Variants in ANKS1B observed in about 807,000 individuals in gnomAD.
ANKS1B encodes the protein ankyrin repeat and sterile alpha motif domain containing 1B.
ANKS1B carries 36 observed loss-of-function variants against 148.3 expected under a neutral mutation model. The ratio of observed to expected loss-of-function variants is 0.24; its 90% CI spans 0.19 to 0.32. The LOEUF (loss-of-function observed/expected upper bound fraction) is 0.32. Among genes scored for constraint, ANKS1B ranks in the 10% least tolerant of loss-of-function variants. The pLI is 1.00. For synonymous variants in ANKS1B, 542 were observed against 560.8 expected, an observed-to-expected ratio of 0.97 and a Z score of 0.47; for missense variants, 1,157 against 1,542.6, an observed-to-expected ratio of 0.75 and a Z score of 4.19.
chr12:99,148,839 G>A (rs1047706087), intron 15 of ANKS1B, among the ~76,000 whole-genome samples: 10 of 152,012 alleles, frequency 6.6e-5, no homozygotes, highest in African/African-American at 2.4e-4. Flanking sequence ...CAGTTGAAAA[G>A]GTTATTTTTT....
intron 17 of ANKS1B, among the ~76,000 whole-genome samples, chr12:98,995,550 C>G (rs974666350): frequency 1.1e-4 from 17 of 152,174 alleles, no homozygotes; most frequent in Non-Finnish European, 1.5e-5. Flanking sequence ...TTCTCAGGCT[C>G]TGGAACTTTT....
chr12:98,877,487 G>T (rs966053547), intron 17 of ANKS1B, among the ~76,000 whole-genome samples: 1 of 152,140 alleles, frequency 6.6e-6, no homozygotes, highest in Non-Finnish European at 1.5e-5. Flanking sequence ...AACTAACGGC[G>T]GAAGAAATCC....
intron 8 of ANKS1B, among the ~76,000 whole-genome samples, chr12:99,673,861 T>C (rs2098549640): frequency 1.3e-5 from 2 of 151,588 alleles, no homozygotes; most frequent in Admixed American, 1.3e-4. Context: ...AGTGAAACAA[T>C]TACATATTTA....
At chr12:99,023,361 C>G (rs1254230608) in intron 17 of ANKS1B, among the ~76,000 whole-genome samples, 1 of 152,012 alleles carries the variant, frequency 6.6e-6, no homozygotes, top group Non-Finnish European at 1.5e-5. Flanking sequence ...CTGACAATGC[C>G]CTTTTTCATT....
intron 1 of ANKS1B, among the ~76,000 whole-genome samples, chr12:99,964,941 A>C (rs959498245): frequency 1.3e-5 from 2 of 152,236 alleles, no homozygotes; most frequent in Admixed American, 6.5e-5. Context: ...TTATCAAATA[A>C]GTATATATAC....
At chr12:98,735,205 G>T (rs902400573) in exon 10 of ANKS1B, 3 of 398,922 alleles carry the variant, frequency 7.5e-6, no homozygotes, top group African/African-American at 6.2e-5. Context: ...TTTGTAGTTT[G>T]CAGATGAGCA....
intron 9 of ANKS1B, among the ~76,000 whole-genome samples, chr12:99,625,225 CAG>C (rs1252159342): frequency 6.6e-6 from 1 of 151,956 alleles, no homozygotes; most frequent in Non-Finnish European, 1.5e-5. Context: ...ATGGGAACAG[CAG>C]ACACTGGGGA....
At chr12:99,150,354 A>G (rs2074491009) in intron 15 of ANKS1B, among the ~76,000 whole-genome samples, 1 of 152,192 alleles carries the variant, frequency 6.6e-6, no homozygotes, top group Non-Finnish European at 1.5e-5. Flanking sequence ...TCCTAATTCT[A>G]GAGAGAGAAT....
chr12:99,881,717 C>A (rs1356367542), intron 1 of ANKS1B, among the ~76,000 whole-genome samples: 1 of 152,170 alleles, frequency 6.6e-6, no homozygotes, highest in Non-Finnish European at 1.5e-5. Context: ...AAAAGAGCAT[C>A]ACAGAGCGTT....
intron 4 of ANKS1B, among the ~76,000 whole-genome samples, chr12:99,793,927 C>T (rs978383281): frequency 6.6e-6 from 1 of 151,866 alleles, no homozygotes; most frequent in Admixed American, 6.6e-5. Context: ...ACTCATCTGA[C>T]AAGAGATTAA....
chr12:99,675,601 T>C (rs777786711), intron 8 of ANKS1B, among the ~76,000 whole-genome samples: 1 of 151,932 alleles, frequency 6.6e-6, no homozygotes, highest in Non-Finnish European at 1.5e-5. Flanking sequence ...CAATTCAGAA[T>C]GCTTTTATAA....
intron 1 of ANKS1B, among the ~76,000 whole-genome samples, chr12:99,947,263 A>AAAAC (rs1357106050): frequency 1.2e-4 from 18 of 151,844 alleles, no homozygotes; most frequent in South Asian, 4.2e-4. Flanking sequence ...TACAAAAAAA[A>AAAAC]AAAAAACAGA....
chr12:99,638,413 G>C (rs2098265594), intron 9 of ANKS1B, among the ~76,000 whole-genome samples: 1 of 152,152 alleles, frequency 6.6e-6, no homozygotes, highest in Non-Finnish European at 1.5e-5. Flanking sequence ...ATGGAGATGA[G>C]GAACTTGTTG....
At chr12:99,030,777 G>C (rs1440727471) in intron 17 of ANKS1B, among the ~76,000 whole-genome samples, 1 of 152,178 alleles carries the variant, frequency 6.6e-6, no homozygotes, top group East Asian at 1.9e-4. Context: ...TTGGCATACA[G>C]TAAGTAGATG....
chr12:99,364,033 G>A (rs1458831320), intron 12 of ANKS1B, among the ~76,000 whole-genome samples: 1 of 152,098 alleles, frequency 6.6e-6, no homozygotes, highest in African/African-American at 2.4e-5. Flanking sequence ...GGTCTTAAAT[G>A]AATATCTCTC....
rs954969829 is a variant in ANKS1B, at chr12:98,763,002, C to T, written c.3579+10040G>A. Reference sequence around the variant, plus strand: ...GGAATATGGATGGCCAGAGCCAATTCCTTCCTTCTGTCTTCTCTCCCACAG... The same window carrying T: ...GGAATATGGATGGCCAGAGCCAATTTCTTCCTTCTGTCTTCTCTCCCACAG... On this transcript the variant is annotated intron_variant, in intron 25 of 26. Transcript: ENST00000683438. Among the ~76,000 whole-genome samples, 4 of 152,230 alleles carry T rather than the reference C, an allele frequency of 2.6e-5. No homozygotes were observed. In the East Asian group the frequency reaches 7.7e-4, roughly 29 times the overall value.
Position 99,802,563 on chromosome 12 carries a change from G to T in ANKS1B, c.669+3841C>A, listed in dbSNP as rs59238763. 4.9e-3 allele frequency among the ~76,000 whole-genome samples: 745 copies of T among 152,202 alleles called. 6 individuals carry two copies. Among genetic ancestry groups the T allele is most frequent in the African/African-American group, 0.017 (700 of 41,516 alleles). On this transcript the variant is annotated intron_variant, in intron 4 of 26. Coordinates refer to ENST00000683438, the MANE Select transcript of ANKS1B (RefSeq NM_001352186.2). ...GTTATAATTTAAAATTACTCAGAGA[G>T]TAATGATGCAGAAAATAAACTTCTA... is the stretch of plus-strand genomic sequence containing the variant.
rs1427166810 is a variant in ANKS1B, at chr12:99,573,391, A to G, written c.1273-68750T>C. ...TGATTGATTTTTTTAAAAAATTGGT[A>G]TTATCTTAATTGGATTTAGGGATCA... On this transcript the variant is annotated intron_variant, in intron 9 of 26. Transcript: ENST00000683438. Among the ~76,000 whole-genome samples the G allele has an allele frequency of 2.6e-5, 4 of 152,182 alleles. No homozygotes were observed. In the East Asian group the frequency reaches 7.7e-4, roughly 29 times the overall value.
intron 12 of ANKS1B, among the ~76,000 whole-genome samples, chr12:99,340,572 T>C (rs1323622669): frequency 1.3e-5 from 2 of 151,892 alleles, no homozygotes; most frequent in South Asian, 4.1e-4. Context: ...GAAAACCAAA[T>C]GCCCCAGTAC....
Sources: allele counts gnomAD v4.1 joint callset (sites outside exome capture counted in the v4.1 genomes callset), GRCh38; gene constraint gnomAD v4.1.1; transcripts MANE v1.5; gene names NCBI Gene and HGNC (gene_info 2026-07-23, HGNC 2026-07-21).